The following ASTN2 variants were observed in gnomAD, a reference collection of about 807,000 sequenced individuals.
ASTN2 encodes the protein astrotactin-2.
A neutral mutation model predicts 139.8 loss-of-function variants in ASTN2; 54 were observed. The observed-to-expected ratio is 0.39, with a 90% CI of 0.31 to 0.48. ASTN2 has a LOEUF of 0.48. Ranked by LOEUF, ASTN2 falls within the 20% of genes least tolerant of loss-of-function variation. The pLI is 0.95. For synonymous variants in ASTN2, 756 were observed against 719.5 expected, an observed-to-expected ratio of 1.05 and a Z score of -0.81; for missense variants, 1,565 against 1,725.1, an observed-to-expected ratio of 0.91 and a Z score of 1.64.
chr9:117,005,295 G>T (rs1244516879), intron 7 of ASTN2, among the ~76,000 whole-genome samples: 2 of 151,164 alleles, frequency 1.3e-5, no homozygotes, highest in Non-Finnish European at 2.9e-5. Flanking sequence ...CACCATGTTG[G>T]CCAGGATGGT....
At chr9:117,244,180 C>G (rs1336887040) in intron 2 of ASTN2, among the ~76,000 whole-genome samples, 1 of 152,180 alleles carries the variant, frequency 6.6e-6, no homozygotes, top group Non-Finnish European at 1.5e-5. Flanking sequence ...GATGCCTCCC[C>G]AGTCATGCAG....
intron 4 of ASTN2, among the ~76,000 whole-genome samples, chr9:117,116,395 A>T (rs1764663053): frequency 6.6e-6 from 1 of 152,170 alleles, no homozygotes; most frequent in Non-Finnish European, 1.5e-5. Flanking sequence ...TAGATTGGTC[A>T]GAACATACTT....
At chr9:116,485,357 A>G (rs201549326) in intron 20 of ASTN2, among the ~76,000 whole-genome samples, 1 of 66,726 alleles carries the variant, frequency 1.5e-5, no homozygotes, top group Admixed American at 2.1e-4. Flanking sequence ...CCTTCAGTCT[A>G]TAACCCTAAG....
chr9:117,299,629 C>T (rs1275904567), intron 1 of ASTN2, among the ~76,000 whole-genome samples: 1 of 152,142 alleles, frequency 6.6e-6, no homozygotes, highest in African/African-American at 2.4e-5. Flanking sequence ...TAGAGAGAGG[C>T]TGGGGGTTAC....
chr9:117,358,261 G>GACAC lies in ASTN2; in HGVS notation c.442+56232_442+56235dup, dbSNP rs67475291. ...GGTAATACATATGCATACATGTGCA[G>GACAC]ACACACACACACACACACACACACA... On this transcript the variant is annotated intron_variant, in intron 1 of 22. Coordinates refer to ENST00000313400, the MANE Select transcript of ASTN2 (RefSeq NM_001365068.1). Among the ~76,000 whole-genome samples the GACAC allele has an allele frequency of 8.2e-4, 120 of 146,888 alleles. 1 individual carries two copies. The highest frequency in any genetic ancestry group is 1.1e-3 in the South Asian group (5 of 4,498).
chr9:117,331,200 G>A (rs751190876), intron 1 of ASTN2, among the ~76,000 whole-genome samples: 47 of 152,300 alleles, frequency 3.1e-4, no homozygotes, highest in Middle Eastern at 6.8e-3. Flanking sequence ...GTCTCACACT[G>A]ATGGTCAAGC....
intron 10 of ASTN2, among the ~76,000 whole-genome samples, chr9:116,939,623 T>C (rs1312388330): frequency 1.3e-5 from 2 of 152,172 alleles, no homozygotes; most frequent in African/African-American, 4.8e-5. Context: ...TATTTTTTTT[T>C]CCAAATTGAG....
intron 19 of ASTN2, among the ~76,000 whole-genome samples, chr9:116,497,764 C>T (rs551968706): frequency 6.6e-5 from 10 of 152,124 alleles, no homozygotes; most frequent in African/African-American, 1.4e-4. Context: ...TCTCCTCCCC[C>T]CCAATCACTC....
At chr9:117,198,767 C>T (rs1298495831) in intron 3 of ASTN2, among the ~76,000 whole-genome samples, 1 of 152,122 alleles carries the variant, frequency 6.6e-6, no homozygotes, top group Non-Finnish European at 1.5e-5. Context: ...AGTGTAAAAG[C>T]ATTCCTATTT....
chr9:116,494,502 G>T (rs562862870), intron 19 of ASTN2, among the ~76,000 whole-genome samples: 5 of 151,750 alleles, frequency 3.3e-5, no homozygotes, highest in Admixed American at 3.3e-4. Context: ...AAACCTTCCT[G>T]TTTTTTTGCA....
intron 11 of ASTN2, among the ~76,000 whole-genome samples, chr9:116,846,631 G>A (rs765669552): frequency 1.3e-5 from 2 of 152,178 alleles, no homozygotes; most frequent in East Asian, 1.9e-4. Context: ...GGAGTCCCAC[G>A]TAATTAGGGG....
At chr9:117,221,158 C>T (rs2133036810) in intron 2 of ASTN2, among the ~76,000 whole-genome samples, 1 of 152,284 alleles carries the variant, frequency 6.6e-6, no homozygotes, top group East Asian at 1.9e-4. Flanking sequence ...AGGCACCTGA[C>T]CAAACCTCGT....
At chr9:117,057,287 T>C (rs1398589968) in intron 5 of ASTN2, among the ~76,000 whole-genome samples, 2 of 152,166 alleles carry the variant, frequency 1.3e-5, no homozygotes, top group African/African-American at 4.8e-5. Context: ...CCCCAGGGAC[T>C]CTCAGCTCCT....
chr9:117,393,316 T>C (rs1830589236), intron 1 of ASTN2, among the ~76,000 whole-genome samples: 1 of 152,036 alleles, frequency 6.6e-6, no homozygotes, highest in Non-Finnish European at 1.5e-5. Context: ...AACTTGAGAT[T>C]GTTGGGGACA....
intron 1 of ASTN2, among the ~76,000 whole-genome samples, chr9:117,320,300 T>G (rs916711919): frequency 6.6e-6 from 1 of 152,122 alleles, no homozygotes; most frequent in African/African-American, 2.4e-5. Flanking sequence ...AACTCAGGAA[T>G]CTGGCAGAAG....
intron 2 of ASTN2, among the ~76,000 whole-genome samples, chr9:117,269,920 A>G (rs1834024938): frequency 6.6e-6 from 1 of 152,222 alleles, no homozygotes; most frequent in Non-Finnish European, 1.5e-5. Flanking sequence ...CACAAATTTC[A>G]TATACATCTT....
chr9:117,097,296 G>A (rs928817994), intron 4 of ASTN2, among the ~76,000 whole-genome samples: 4 of 152,114 alleles, frequency 2.6e-5, no homozygotes, highest in African/African-American at 9.7e-5. Context: ...TAAAAAAGAA[G>A]GCTAAAAGCA....
chr9:117,056,897 T>C (rs1839080078), intron 5 of ASTN2, among the ~76,000 whole-genome samples: 1 of 152,196 alleles, frequency 6.6e-6, no homozygotes, highest in Non-Finnish European at 1.5e-5. Context: ...CCATTACTAG[T>C]TGAGAATGCT....
At chr9:116,649,026 T>C (rs976828954) in intron 17 of ASTN2, among the ~76,000 whole-genome samples, 3 of 151,582 alleles carry the variant, frequency 2.0e-5, no homozygotes, top group Non-Finnish European at 4.4e-5. Context: ...AGAGTGAGAC[T>C]CAGTCTCAAA....
Sources: allele counts gnomAD v4.1 joint callset (sites outside exome capture counted in the v4.1 genomes callset), GRCh38; gene constraint gnomAD v4.1.1; transcripts MANE v1.5; gene names NCBI Gene and HGNC (gene_info 2026-07-23, HGNC 2026-07-21).